The following FAM227B variants were observed in gnomAD, a reference collection of about 807,000 sequenced individuals.
FAM227B encodes the protein family with sequence similarity 227 member B.
A neutral mutation model predicts 73.8 loss-of-function variants in FAM227B; 88 were observed. The ratio of observed to expected loss-of-function variants is 1.19; its 90% CI spans 1.00 to 1.42. The LOEUF is 1.42. FAM227B is among the 40% of genes most tolerant of loss of function. The probability of loss-of-function intolerance (pLI) is 0.00; values close to 1 mark genes in which losing one functional copy is unlikely to be tolerated. For synonymous variants in FAM227B, 210 were observed against 190.5 expected, an observed-to-expected ratio of 1.10 and a Z score of -0.84; for missense variants, 632 against 590.9, an observed-to-expected ratio of 1.07 and a Z score of -0.72.
chr15:49,478,511 G>A (rs2055577109), intron 11 of FAM227B, among the ~76,000 whole-genome samples: 1 of 151,922 alleles, frequency 6.6e-6, no homozygotes, highest in Admixed American at 6.6e-5. Flanking sequence ...AACAATCCAG[G>A]CTTGACAGAA....
At position 49,546,420 on chromosome 15, in the gene FAM227B, C is replaced by A. The variant is rs534952621; in HGVS notation, c.748-4614G>T. The stretch of plus-strand genomic sequence containing the variant: ...TGTGAATAGTGCCGCAATAAACATA[C>A]GTGTGCATGTGTCTTTATAGCAGCG... On this transcript the variant is annotated intron_variant, in intron 9 of 15. Transcript: ENST00000299338. 5.9e-5 allele frequency among the ~76,000 whole-genome samples: 9 copies of A among 152,218 alleles called. 1 individual carries two copies. The East Asian group carries it at 1.2e-3, about 20-fold the overall frequency.
intron 11 of FAM227B, among the ~76,000 whole-genome samples, chr15:49,397,967 A>C (rs1302127584): frequency 6.6e-6 from 1 of 152,234 alleles, no homozygotes; most frequent in African/African-American, 2.4e-5. Flanking sequence ...AGCTAACATC[A>C]TAATGACAGG....
intron 10 of FAM227B, among the ~76,000 whole-genome samples, chr15:49,536,477 G>A (rs550025309): frequency 6.6e-6 from 1 of 151,970 alleles, no homozygotes; most frequent in Admixed American, 6.6e-5. Context: ...TGGTTAATAT[G>A]TCCATACTAC....
chr15:49,580,659 G>T (rs539514855), intron 5 of FAM227B, among the ~76,000 whole-genome samples: 3 of 152,226 alleles, frequency 2.0e-5, no homozygotes, highest in African/African-American at 7.2e-5. Context: ...GACAGGCAAA[G>T]AATTCAGAAC....
chr15:49,507,362 T>G (rs767598542), intron 11 of FAM227B, among the ~76,000 whole-genome samples: 1 of 152,140 alleles, frequency 6.6e-6, no homozygotes, highest in Non-Finnish European at 1.5e-5. Context: ...CTCCTCTTCC[T>G]TGGCCTATAT....
chr15:49,468,952 T>A (rs559558379), intron 11 of FAM227B, among the ~76,000 whole-genome samples: 59 of 152,264 alleles, frequency 3.9e-4, no homozygotes, highest in African/African-American at 1.4e-3. Flanking sequence ...TTGAATAACA[T>A]GCATACATTA....
chr15:49,447,821 A>G (rs903092674), intron 11 of FAM227B, among the ~76,000 whole-genome samples: 159 of 151,778 alleles, frequency 1.0e-3, no homozygotes, highest in African/African-American at 3.8e-3. Flanking sequence ...ACATGAAAAC[A>G]TAAAATCCAA....
At chr15:49,394,220 G>A (rs17477722) in intron 11 of FAM227B, among the ~76,000 whole-genome samples, 24,682 of 152,096 alleles carry the variant, frequency 0.16, 2,332 homozygotes, top group Non-Finnish European at 0.21. Flanking sequence ...GATAATTGGA[G>A]GAGTAAATGA....
At chr15:49,427,559 T>C (rs75773642) in intron 11 of FAM227B, among the ~76,000 whole-genome samples, 3 of 151,984 alleles carry the variant, frequency 2.0e-5, no homozygotes, top group African/African-American at 7.2e-5. Context: ...AAATTTTACA[T>C]GAAAAGTAAT....
At chr15:49,601,167 T>C (rs1348702568) in intron 3 of FAM227B, among the ~76,000 whole-genome samples, 1 of 149,110 alleles carries the variant, frequency 6.7e-6, no homozygotes, top group Non-Finnish European at 1.5e-5. Context: ...CCACAATTAC[T>C]GTTGCTCCAA....
At chr15:49,527,286 C>T (rs1381907494) in intron 10 of FAM227B, among the ~76,000 whole-genome samples, 1 of 151,854 alleles carries the variant, frequency 6.6e-6, no homozygotes, top group African/African-American at 2.4e-5. Flanking sequence ...AAAACAAAAA[C>T]CATCCAATCA....
In FAM227B at chr15:49,575,068, T is replaced by C. The variant is rs2075364118; in HGVS notation, c.588A>G (p.Glu196=). 6.2e-7 allele frequency: 1 copy of C among 1,602,826 alleles called. No individual in the cohort carries two copies. Among genetic ancestry groups the C allele is most frequent in the Non-Finnish European group, 8.5e-7 (1 of 1,173,980 alleles). ...AGTCATGCAAAAGAGCAATGGAGGC[T>C]TCTGAGAGAAAATGAGTCTTCCAGA... ...FKIWKTHFLS[E]ASIALLHDSF... The change falls in exon 8 of 16, where the codon GAA becomes GAG. Residue 196 remains glutamate (E), a synonymous_variant. Transcript: ENST00000299338.
intron 13 of FAM227B, among the ~76,000 whole-genome samples, chr15:49,351,582 C>A (rs1182419418): frequency 6.6e-6 from 1 of 152,216 alleles, no homozygotes; most frequent in Non-Finnish European, 1.5e-5. Flanking sequence ...CTAACACATA[C>A]ACCGTCCCAA....
intron 10 of FAM227B, among the ~76,000 whole-genome samples, chr15:49,516,640 A>G (rs182610083): frequency 2.4e-4 from 37 of 152,074 alleles, no homozygotes; most frequent in Admixed American, 1.6e-3. Flanking sequence ...TGTGGAATTC[A>G]GTCATAAAGG....
At chr15:49,578,340 A>G (rs12592839) in intron 5 of FAM227B, among the ~76,000 whole-genome samples, 28,457 of 152,100 alleles carry the variant, frequency 0.19, 3,114 homozygotes, top group East Asian at 0.36. Context: ...TTCTTTGAAA[A>G]GGAATTGGGT....
chr15:49,524,978 C>T (rs1253229937), intron 10 of FAM227B, among the ~76,000 whole-genome samples: 3 of 152,166 alleles, frequency 2.0e-5, no homozygotes. Context: ...TTCACAGGCT[C>T]ATAGGCAGAA....
At chr15:49,437,734 T>G (rs1347185355) in intron 11 of FAM227B, among the ~76,000 whole-genome samples, 1 of 151,728 alleles carries the variant, frequency 6.6e-6, no homozygotes, top group African/African-American at 2.4e-5. Flanking sequence ...TTACGTATTA[T>G]GTACTGTGTA....
intron 10 of FAM227B, among the ~76,000 whole-genome samples, chr15:49,512,924 C>G (rs1567450360): frequency 6.6e-6 from 1 of 152,162 alleles, no homozygotes; most frequent in Non-Finnish European, 1.5e-5. Context: ...CTGCAGAGGG[C>G]ATGATCTGAT....
chr15:49,555,164 TATA>T (rs2073514836), intron 9 of FAM227B, among the ~76,000 whole-genome samples: 1 of 152,220 alleles, frequency 6.6e-6, no homozygotes, highest in South Asian at 2.1e-4. Flanking sequence ...GTGATTGCTT[TATA>T]ATGTTGTTGG....
Sources: gnomAD v4.1 joint callset for allele counts (sites outside exome capture counted in the v4.1 genomes callset) on GRCh38, gnomAD v4.1.1 for gene constraint, MANE v1.5 for transcripts, NCBI Gene and HGNC (gene_info 2026-07-23, HGNC 2026-07-21) for gene names.